The following CTNNA2 variants were observed in gnomAD, a reference collection of about 807,000 sequenced individuals.
The protein encoded by CTNNA2 is catenin alpha 2.
In CTNNA2, 42 loss-of-function variants were observed where a neutral mutation model predicts 101.0. That is an observed-to-expected ratio of 0.42 (90% CI 0.32 to 0.54). The LOEUF is 0.54. Ranked by LOEUF, CTNNA2 falls within the 20% of genes least tolerant of loss-of-function variation. The pLI, the probability that CTNNA2 is intolerant of heterozygous loss-of-function variation, is 0.14. For synonymous variants in CTNNA2, 450 were observed against 456.4 expected (o/e 0.99, Z 0.18); for missense variants, 871 against 1,223.1 (o/e 0.71, Z 4.29).
At chr2:80,145,833 C>G (rs73940968) in intron 7 of CTNNA2, among the ~76,000 whole-genome samples, 6,800 of 152,224 alleles carry the variant, frequency 0.045, 499 homozygotes, top group African/African-American at 0.15. Flanking sequence ...CTCCATTTGC[C>G]GCACACACAC....
chr2:79,486,505 T>C (rs923797762), intron 4 of CTNNA2, among the ~76,000 whole-genome samples: 6 of 152,188 alleles, frequency 3.9e-5, no homozygotes, highest in Non-Finnish European at 8.8e-5. Flanking sequence ...TCCAAGTCTT[T>C]ACTATTGTGA....
At chr2:80,164,735 G>A (rs1704547577) in intron 7 of CTNNA2, among the ~76,000 whole-genome samples, 1 of 151,208 alleles carries the variant, frequency 6.6e-6, no homozygotes, top group Non-Finnish European at 1.5e-5. Context: ...TTCTTTTGGG[G>A]GAGGTCTATT....
intron 1 of CTNNA2, among the ~76,000 whole-genome samples, chr2:79,616,197 A>T (rs1421579381): frequency 6.6e-6 from 1 of 152,200 alleles, no homozygotes; most frequent in Non-Finnish European, 1.5e-5. Flanking sequence ...GGATAGGTCT[A>T]AATTATTGGC....
intron 7 of CTNNA2, among the ~76,000 whole-genome samples, chr2:80,351,343 A>G (rs1673274400): frequency 6.6e-6 from 1 of 152,136 alleles, no homozygotes; most frequent in Admixed American, 6.6e-5. Context: ...CCAGGGGAAG[A>G]ACTCCATGCC....
At chr2:80,583,481 T>C (rs1695713104) in intron 14 of CTNNA2, among the ~76,000 whole-genome samples, 1 of 152,300 alleles carries the variant, frequency 6.6e-6, no homozygotes, top group South Asian at 2.1e-4. Flanking sequence ...ATCTTCAGAA[T>C]TAAGTAAAAC....
At chr2:79,641,039 A>G (rs1680414558) in intron 1 of CTNNA2, among the ~76,000 whole-genome samples, 1 of 152,202 alleles carries the variant, frequency 6.6e-6, no homozygotes, top group African/African-American at 2.4e-5. Context: ...AGGAAGAGGC[A>G]TGAACCATGT....
intron 3 of CTNNA2, among the ~76,000 whole-genome samples, chr2:79,318,011 G>C (rs1676535127): frequency 6.6e-6 from 1 of 151,740 alleles, no homozygotes; most frequent in South Asian, 2.1e-4. Flanking sequence ...AATATTTCTT[G>C]GTCACCTATC....
chr2:79,297,896 ATAGT>A (rs1676018901), intron 2 of CTNNA2, among the ~76,000 whole-genome samples: 3 of 152,190 alleles, frequency 2.0e-5, no homozygotes, highest in Admixed American at 2.0e-4. Flanking sequence ...ATAACTGCAA[ATAGT>A]TACTCATCTA....
chr2:79,315,296 AAT>A (rs1458330893), intron 3 of CTNNA2, among the ~76,000 whole-genome samples: 3 of 152,328 alleles, frequency 2.0e-5, no homozygotes, highest in Admixed American at 2.0e-4. Context: ...TAAATAATTC[AAT>A]AGTTTCCATA....
intron 7 of CTNNA2, among the ~76,000 whole-genome samples, chr2:80,319,317 G>T (rs747894395): frequency 7.9e-4 from 118 of 150,066 alleles, no homozygotes; most frequent in Admixed American, 1.6e-3. Flanking sequence ...GTTTTTTTTT[G>T]TTGTTGTTGT....
chr2:80,232,409 C>A, intron 7 of CTNNA2, among the ~76,000 whole-genome samples: 1 of 108,302 alleles, frequency 9.2e-6, no homozygotes, highest in African/African-American at 3.1e-5. Context: ...GTTTTGGCAG[C>A]TCTACTTAGA....
chr2:79,447,768 C>G (rs1270048046), intron 4 of CTNNA2, among the ~76,000 whole-genome samples: 1 of 152,036 alleles, frequency 6.6e-6, no homozygotes, highest in Non-Finnish European at 1.5e-5. Flanking sequence ...TTACCCAATA[C>G]TCAGCTCACA....
At chr2:79,885,171 C>A (rs982295148) in intron 6 of CTNNA2, among the ~76,000 whole-genome samples, 6 of 151,896 alleles carry the variant, frequency 4.0e-5, no homozygotes, top group Non-Finnish European at 7.4e-5. Flanking sequence ...TTTGGAGATC[C>A]AGGGTTGGAG....
chr2:80,138,153 ACAAT>A (rs1329439616), intron 7 of CTNNA2, among the ~76,000 whole-genome samples: 1 of 152,182 alleles, frequency 6.6e-6, no homozygotes, highest in Non-Finnish European at 1.5e-5. Flanking sequence ...GAGGGAATAA[ACAAT>A]CAATTCACCC....
chr2:80,608,494 T>C lies in CTNNA2; in HGVS notation c.2430+176T>C, dbSNP rs148594240. ...CCTTACAATAACTCACAAAGAGCAA[T>C]TTGATTTTCCAATTACCCTGTGTTT... is the stretch of plus-strand genomic sequence containing the variant. On this transcript the variant is annotated intron_variant, in intron 17 of 18. Transcript: ENST00000402739. The C allele has an allele frequency of 3.1e-3, 1,676 of 546,620 alleles. 4 individuals carry two copies. The highest frequency in any genetic ancestry group is 4.1e-3 in the Non-Finnish European group (1,398 of 344,046). 33.9% of individuals were successfully genotyped at this position (546,620 alleles called of 1,614,324 possible).
rs1382891356 is a variant in CTNNA2, at chr2:79,282,771, A to C, written c.-405-29938A>C. Among the ~76,000 whole-genome samples the C allele has an allele frequency of 8.9e-4, 113 of 126,622 alleles. 1 individual carries two copies. Among genetic ancestry groups the C allele is most frequent in the African/African-American group, 2.8e-3 (107 of 38,292 alleles). The allele number at this position is 126,622 out of a possible 152,430, so 83.1% of individuals were successfully genotyped here. A position where few individuals can be genotyped will look rare whatever the true frequency, so the allele number is the denominator to read the frequency against. On this transcript the variant is annotated intron_variant, in intron 2 of 21. Transcript: ENST00000466387. ...GATTTATAGTCCTTCGGGTATATACACAGTAATGGGATGGCTGGGTCAAAT... is the reference window on the plus strand; with the variant it reads ...GATTTATAGTCCTTCGGGTATATACCCAGTAATGGGATGGCTGGGTCAAAT...
intron 4 of CTNNA2, among the ~76,000 whole-genome samples, chr2:79,860,764 A>T (rs913602169): frequency 2.0e-5 from 3 of 152,084 alleles, no homozygotes; most frequent in East Asian, 3.9e-4. Context: ...TTCTGGTGCC[A>T]TCTGGTGTTT....
intron 6 of CTNNA2, among the ~76,000 whole-genome samples, chr2:79,877,120 G>T (rs1382387080): frequency 6.6e-6 from 1 of 151,472 alleles, no homozygotes; most frequent in Non-Finnish European, 1.5e-5. Flanking sequence ...TATTAATGAG[G>T]TAATATATTC....
chr2:79,915,438 A>G (rs910901642), intron 7 of CTNNA2, among the ~76,000 whole-genome samples: 1 of 152,208 alleles, frequency 6.6e-6, no homozygotes, highest in African/African-American at 2.4e-5. Context: ...ATCAATAAAC[A>G]TTCTCTAACC....
Sources: allele counts gnomAD v4.1 joint callset (sites outside exome capture counted in the v4.1 genomes callset), GRCh38; gene constraint gnomAD v4.1.1; transcripts MANE v1.5; gene names NCBI Gene and HGNC (gene_info 2026-07-23, HGNC 2026-07-21).